The following DOCK1 variants were observed in gnomAD, a reference collection of about 807,000 sequenced individuals.
The protein encoded by DOCK1 is dedicator of cytokinesis 1.
DOCK1 carries 138 observed loss-of-function variants against 262.7 expected under a neutral mutation model. The observed-to-expected ratio is 0.53, with a 90% CI of 0.46 to 0.61. DOCK1 has a LOEUF of 0.61. DOCK1 is among the 20% of genes least tolerant of loss of function. The probability of loss-of-function intolerance (pLI) is 0.00; values close to 1 mark genes in which losing one functional copy is unlikely to be tolerated. For missense variants in DOCK1, 1,908 were observed against 2,370.7 expected, an observed-to-expected ratio of 0.80 and a Z score of 4.05; for synonymous variants, 866 against 867.4, an observed-to-expected ratio of 1.00 and a Z score of 0.03.
chr10:127,183,064 G>A (rs1488402225), intron 27 of DOCK1, among the ~76,000 whole-genome samples: 1 of 117,444 alleles, frequency 8.5e-6, no homozygotes, highest in Non-Finnish European at 1.7e-5. Flanking sequence ...TCCTGATTAT[G>A]GTGAATCTTT....
intron 27 of DOCK1, chr10:127,138,112 T>A: frequency 8.9e-7 from 1 of 1,121,896 alleles, no homozygotes. Flanking sequence ...ATGATCAGTG[T>A]GTGTTTGTAA....
intron 29 of DOCK1, among the ~76,000 whole-genome samples, chr10:127,277,648 T>C (rs1300398797): frequency 6.6e-6 from 1 of 152,028 alleles, no homozygotes; most frequent in Non-Finnish European, 1.5e-5. Flanking sequence ...CTGTAATCAC[T>C]GCTACTGGGG....
intron 29 of DOCK1, among the ~76,000 whole-genome samples, chr10:127,286,119 T>C (rs554061148): frequency 1.3e-5 from 2 of 152,302 alleles, no homozygotes; most frequent in African/African-American, 4.8e-5. Flanking sequence ...TGTGTAGGCC[T>C]GAATCGTGTT....
At chr10:127,267,057 T>G (rs2135130630) in intron 29 of DOCK1, among the ~76,000 whole-genome samples, 1 of 152,324 alleles carries the variant, frequency 6.6e-6, no homozygotes, top group African/African-American at 2.4e-5. Context: ...GTAATGATGC[T>G]CTGGACCCTC....
intron 27 of DOCK1, among the ~76,000 whole-genome samples, chr10:127,197,369 C>T (rs530846831): frequency 1.3e-5 from 2 of 152,210 alleles, no homozygotes; most frequent in South Asian, 2.1e-4. Context: ...GAGCTATCCC[C>T]GCCCTTAATT....
chr10:126,957,676 T>C (rs1212115437), intron 1 of DOCK1, among the ~76,000 whole-genome samples: 1 of 152,092 alleles, frequency 6.6e-6, no homozygotes, highest in Admixed American at 6.6e-5. Flanking sequence ...TACGGAGTCT[T>C]CCCATGTTGC....
At chr10:126,919,237 C>G (rs1190139370) in intron 1 of DOCK1, among the ~76,000 whole-genome samples, 4 of 152,208 alleles carry the variant, frequency 2.6e-5, no homozygotes, top group Admixed American at 1.3e-4. Context: ...GGAATAAAGG[C>G]ACTTATCAAC....
At position 127,076,305 on chromosome 10, in the gene DOCK1, T is replaced by C. The variant is rs187190149; in HGVS notation, c.2445+14529T>C. Among the ~76,000 whole-genome samples, 41 of 152,220 alleles carry C rather than the reference T, an allele frequency of 2.7e-4. No individual in the cohort carries two copies. The East Asian group carries it at 3.3e-3, about 12-fold the overall frequency. On this transcript the variant is annotated intron_variant, in intron 23 of 51. Transcript: ENST00000623213. ...TCACAAGGTCAGTAGATCAAGACCA[T>C]CCTGGCTAACACGGTGAAACCCCGT...
At chr10:127,065,945 G>T (rs947204017) in intron 23 of DOCK1, among the ~76,000 whole-genome samples, 10 of 152,022 alleles carry the variant, frequency 6.6e-5, no homozygotes, top group African/African-American at 2.4e-4. Flanking sequence ...CCCACCTGCT[G>T]TGCAGTGCTG....
At chr10:127,331,407 G>A (rs953461431) in intron 29 of DOCK1, among the ~76,000 whole-genome samples, 5 of 152,072 alleles carry the variant, frequency 3.3e-5, no homozygotes, top group South Asian at 2.1e-4. Flanking sequence ...TCAGCCTCCC[G>A]AGTAGTTGGG....
At chr10:127,018,929 C>G in intron 13 of DOCK1, 94 bp downstream of exon 13, 1 of 1,538,644 alleles carries the variant, frequency 6.5e-7, no homozygotes, top group Non-Finnish European at 8.8e-7. Flanking sequence ...TGAGCTCTGG[C>G]AAGGAAAGGG....
intron 28 of DOCK1, among the ~76,000 whole-genome samples, chr10:127,248,682 A>G (rs2059513829): frequency 6.6e-6 from 1 of 152,228 alleles, no homozygotes; most frequent in South Asian, 2.1e-4. Context: ...GCCATATGGC[A>G]AATATCCTCT....
chr10:127,447,451 C>A lies in DOCK1; in HGVS notation c.5471C>A (p.Pro1824His), dbSNP rs1234141477. 1.2e-6 allele frequency: 2 copies of A among 1,613,624 alleles called. No homozygotes were observed. The highest frequency in any genetic ancestry group is 1.1e-5 in the South Asian group (1 of 90,930). ...ADVADVPPPL[P>H]LKGSVADYGN... ...GTGGCCGATGTCCCACCCCCTCTGC[C>A]TCTCAAAGGCAGCGTGGCAGATTAC... The change falls in exon 51 of 52, where the codon CCT (proline) becomes CAT (histidine). Residue 1824 changes from proline to histidine, a missense_variant. Pro to His is a moderately conservative substitution (Grantham distance 77, BLOSUM62 -2). This residue lies in a region of DOCK1 where 383 missense variants were observed against 420.1 expected (regional missense o/e 0.91). Transcript: ENST00000623213.
intron 21 of DOCK1, among the ~76,000 whole-genome samples, chr10:127,049,084 C>T (rs1163990972): frequency 6.6e-6 from 1 of 152,084 alleles, no homozygotes; most frequent in Non-Finnish European, 1.5e-5. Flanking sequence ...ATAAAAAGCC[C>T]TCCTGAATCT....
intron 27 of DOCK1, among the ~76,000 whole-genome samples, chr10:127,208,290 T>C (rs2134301852): frequency 6.6e-6 from 1 of 152,340 alleles, no homozygotes; most frequent in East Asian, 1.9e-4. Flanking sequence ...AATAATTTTA[T>C]TCACCACGTT....
At chr10:126,912,969 G>A (rs1263060454) in intron 1 of DOCK1, among the ~76,000 whole-genome samples, 2 of 150,716 alleles carry the variant, frequency 1.3e-5, no homozygotes, top group Non-Finnish European at 2.9e-5. Context: ...GTTTCCCTCT[G>A]TCTTTAGTGG....
In DOCK1 at chr10:127,024,688, G is replaced by A. The variant is rs1338767837; in HGVS notation, c.1456G>A (p.Val486Met). 6.2e-7 allele frequency: 1 copy of A among 1,609,340 alleles called. No homozygotes were observed. Among genetic ancestry groups the A allele is most frequent in the Admixed American group, 1.7e-5 (1 of 59,434 alleles). Residue 486 changes from valine (V) to methionine (M), a missense_variant, in exon 15 of 52, where the codon GTG (valine) becomes ATG (methionine). Around this residue, in one of 9 missense-constraint regions of DOCK1, gnomAD observed 294 missense variants for 439.9 expected, o/e 0.67. Coordinates refer to ENST00000623213, the MANE Select transcript of DOCK1 (RefSeq NM_001290223.2). ...YDEDGKRLEH[V>M]IFPGAGDEAI... ...CTCTTTATGTCTTCTTTTAAAGCAT[G>A]TGATTTTCCCGGGTGCTGGTGATGA...
chr10:127,358,123 A>G (rs1049633811), intron 32 of DOCK1, among the ~76,000 whole-genome samples: 1 of 152,192 alleles, frequency 6.6e-6, no homozygotes, highest in African/African-American at 2.4e-5. Flanking sequence ...TCTGCTTACA[A>G]TTAATAAACT....
Position 127,097,095 on chromosome 10 carries a change from ACT to A in DOCK1, c.2446-9133_2446-9132del, listed in dbSNP as rs200023640. Among the ~76,000 whole-genome samples the A allele has an allele frequency of 9.3e-3, 1,413 of 152,088 alleles. 23 individuals are homozygous for A. Among genetic ancestry groups the A allele is most frequent in the African/African-American group, 0.032 (1,321 of 41,450 alleles). On this transcript the variant is annotated intron_variant, in intron 23 of 51. Transcript: ENST00000623213. ...ACTCCAGCCTGGGCAACAGAGTGAGACTCTATCTCAGAAAGGAGAAAAAAAAA... is the reference window on the plus strand; with the variant it reads ...ACTCCAGCCTGGGCAACAGAGTGAGACTATCTCAGAAAGGAGAAAAAAAAA...
Sources: gnomAD v4.1 joint callset for allele counts (sites outside exome capture counted in the v4.1 genomes callset) on GRCh38, gnomAD v4.1.1 for gene constraint, gnomAD v4.1.1 regional missense constraint, MANE v1.5 for transcripts, NCBI Gene and HGNC (gene_info 2026-07-23, HGNC 2026-07-21) for gene names.